Variants in ABLIM1 observed in about 807,000 individuals in gnomAD.
ABLIM1 encodes the protein actin-binding LIM protein 1.
A neutral mutation model predicts 107.0 loss-of-function variants in ABLIM1; 40 were observed. The observed-to-expected ratio is 0.37, with a 90% CI of 0.29 to 0.49. ABLIM1 has a LOEUF of 0.49. ABLIM1 is among the 20% of genes least tolerant of loss of function. The pLI is 0.97. For missense variants in ABLIM1, 857 were observed against 1,008.5 expected, an observed-to-expected ratio of 0.85 and a Z score of 2.04; for synonymous variants, 357 against 357.3, an observed-to-expected ratio of 1.00 and a Z score of 0.01.
At chr10:114,773,452 T>C in the ABLIM1 span, among the ~76,000 whole-genome samples, 2 of 152,204 alleles carry the variant, frequency 1.3e-5, no homozygotes, top group Non-Finnish European at 2.9e-5. Context: ...CCAGGCGCGG[T>C]GGCTCATGTC....
intron 1 of ABLIM1, among the ~76,000 whole-genome samples, chr10:114,618,530 C>T (rs183132480): frequency 6.6e-6 from 1 of 152,296 alleles, no homozygotes; most frequent in Admixed American, 6.5e-5. Context: ...GTGGTAGAGA[C>T]GTGATTTGCC....
chr10:114,574,733 C>T (rs1311893625), intron 3 of ABLIM1, among the ~76,000 whole-genome samples: 4 of 152,184 alleles, frequency 2.6e-5, no homozygotes, highest in South Asian at 2.1e-4. Context: ...TGAGCCACCA[C>T]GCCCAGCCTG....
chr10:114,450,625 GGAGA>G (rs2061724997), intron 14 of ABLIM1, among the ~76,000 whole-genome samples: 2 of 142,156 alleles, frequency 1.4e-5, no homozygotes, highest in Admixed American at 1.4e-4. Context: ...TTTTAATAGA[GGAGA>G]CAGGGTTTCG....
At chr10:114,770,563 T>C (rs2083011453), upstream of ABLIM1, among the ~76,000 whole-genome samples, 1 of 152,222 alleles carries the variant, frequency 6.6e-6, no homozygotes, top group Non-Finnish European at 1.5e-5. Context: ...TGAAAGGTTC[T>C]CCTTCTACCT....
intron 1 of ABLIM1, among the ~76,000 whole-genome samples, chr10:114,613,381 C>T (rs1168710638): frequency 6.6e-6 from 1 of 152,156 alleles, no homozygotes; most frequent in Non-Finnish European, 1.5e-5. Context: ...ATGGTTGACT[C>T]CACCTTGGTA....
chr10:114,570,769 C>G (rs1008970677), intron 4 of ABLIM1, among the ~76,000 whole-genome samples: 2 of 151,946 alleles, frequency 1.3e-5, no homozygotes, highest in Non-Finnish European at 2.9e-5. Context: ...CTATCATACA[C>G]AGCTACTTTT....
chr10:114,794,042 T>G, the ABLIM1 span, among the ~76,000 whole-genome samples: 1 of 152,212 alleles, frequency 6.6e-6, no homozygotes, highest in Non-Finnish European at 1.5e-5. Context: ...GTAGGCACCA[T>G]GCAGTCTGGC....
At chr10:114,565,578 T>C (rs981223635) in intron 4 of ABLIM1, among the ~76,000 whole-genome samples, 4 of 152,078 alleles carry the variant, frequency 2.6e-5, no homozygotes, top group African/African-American at 4.8e-5. Flanking sequence ...CCCTAGGCAC[T>C]CGGAAGCCAG....
At position 114,619,278 on chromosome 10, in the gene ABLIM1, C is replaced by A. The variant is rs1430927280; in HGVS notation, c.245-17317G>T. 6.6e-6 allele frequency among the ~76,000 whole-genome samples: 1 copy of A among 151,290 alleles called. No individual in the cohort carries two copies. The highest frequency in any genetic ancestry group is 2.4e-5 in the African/African-American group (1 of 41,102). ...GTGGCACGATCTTAGCTCACTGCAACGTCCACCTCCCAGGTTCAAGCAATT... is the reference window on the plus strand; with the variant it reads ...GTGGCACGATCTTAGCTCACTGCAAAGTCCACCTCCCAGGTTCAAGCAATT... On this transcript the variant is annotated intron_variant, in intron 1 of 22. Transcript: ENST00000533213. This position sits in a 1 kb window ranked among gnomAD's most constrained non-coding sequence, Gnocchi z 4.1.
chr10:114,740,673 T>C (rs754239707), intron 1 of ABLIM1, among the ~76,000 whole-genome samples: 1 of 152,010 alleles, frequency 6.6e-6, no homozygotes, highest in Non-Finnish European at 1.5e-5. Context: ...ATTTCAATAG[T>C]ATATATATAC....
intron 1 of ABLIM1, among the ~76,000 whole-genome samples, chr10:114,710,937 C>A (rs995382217): frequency 6.6e-6 from 1 of 152,226 alleles, no homozygotes; most frequent in Non-Finnish European, 1.5e-5. Context: ...ATCCCTCACG[C>A]ATTCCAAAAT....
chr10:114,756,083 A>AGT (rs10624515), intron 1 of ABLIM1, among the ~76,000 whole-genome samples: 17,899 of 150,590 alleles, frequency 0.12, 1,105 homozygotes, highest in Admixed American at 0.2. Flanking sequence ...TGTGTTTGTG[A>AGT]GTGTGTGTGT....
Position 114,543,742 on chromosome 10 carries a change from G to T in ABLIM1, c.894+1263C>A, listed in dbSNP as rs190208559. Among the ~76,000 whole-genome samples, 9 of 152,302 alleles carry T rather than the reference G, an allele frequency of 5.9e-5. No homozygotes were observed. The East Asian group carries it at 9.6e-4, about 16-fold the overall frequency. ...TCCAGAATATGACTCTTGGGACCCT[G>T]CCCACTTCTCCAGCATCATCTGTCA... is the stretch of plus-strand genomic sequence containing the variant. On this transcript the variant is annotated intron_variant, in intron 6 of 22. Transcript: ENST00000533213.
At chr10:114,759,561 C>G (rs914567002) in intron 1 of ABLIM1, among the ~76,000 whole-genome samples, 3 of 152,122 alleles carry the variant, frequency 2.0e-5, no homozygotes, top group African/African-American at 7.2e-5. Context: ...CGCTGTTAGT[C>G]TCTGATAGTA....
chr10:114,485,160 C>G (rs538402450), intron 8 of ABLIM1: 2 of 550,654 alleles, frequency 3.6e-6, no homozygotes, highest in Non-Finnish European at 6.1e-6. Flanking sequence ...GTGTGAGAGG[C>G]GCTTGTGGTG....
intron 1 of ABLIM1, among the ~76,000 whole-genome samples, chr10:114,644,298 A>AT (rs2078891893): frequency 1.8e-4 from 18 of 101,352 alleles, no homozygotes; most frequent in African/African-American, 8.1e-4. Context: ...AAAAAAAAAA[A>AT]AAAAAAAAAT....
At chr10:114,688,962 C>A (rs546028934), upstream of ABLIM1, among the ~76,000 whole-genome samples, 87 of 152,272 alleles carry the variant, frequency 5.7e-4, 2 homozygotes, top group South Asian at 0.017. Context: ...GGGAGGGGTT[C>A]TTATTATTGA....
intron 4 of ABLIM1, among the ~76,000 whole-genome samples, chr10:114,558,218 C>T (rs532156165): frequency 1.3e-5 from 2 of 152,070 alleles, no homozygotes; most frequent in African/African-American, 2.4e-5. Context: ...CCCCCGCCCC[C>T]CCATATCCAC....
intron 1 of ABLIM1, 143 bp from the exon 2 acceptor site, chr10:114,602,104 A>G: frequency 8.9e-7 from 1 of 1,119,598 alleles, no homozygotes; most frequent in Non-Finnish European, 1.3e-6. Flanking sequence ...TCCAAGTCAT[A>G]ATCCTAGAGA....
Sources: allele counts gnomAD v4.1 joint callset (sites outside exome capture counted in the v4.1 genomes callset), GRCh38; gene constraint gnomAD v4.1.1; non-coding constraint Gnocchi (gnomAD v3.1); transcripts MANE v1.5; gene names NCBI Gene and HGNC (gene_info 2026-07-23, HGNC 2026-07-21).